Variants in EYS observed in about 807,000 individuals in gnomAD.
EYS encodes the protein protein eyes shut homolog.
A neutral mutation model predicts 282.1 loss-of-function variants in EYS; 250 were observed. The observed-to-expected ratio is 0.89, with a 90% CI of 0.80 to 0.98. The LOEUF (loss-of-function observed/expected upper bound fraction) is 0.98, where lower values mean the gene tolerates loss of function less well. EYS is among the 50% of genes least tolerant of loss of function. The probability of loss-of-function intolerance (pLI) is 0.00; values close to 1 mark genes in which losing one functional copy is unlikely to be tolerated. For missense variants in EYS, 4,016 were observed against 3,709.0 expected, an observed-to-expected ratio of 1.08 and a Z score of -2.15; for synonymous variants, 1,355 against 1,282.9, an observed-to-expected ratio of 1.06 and a Z score of -1.20.
At chr6:65,595,064 T>C (rs1019992071) in intron 2 of EYS, among the ~76,000 whole-genome samples, 1 of 152,040 alleles carries the variant, frequency 6.6e-6, no homozygotes, top group Non-Finnish European at 1.5e-5. Context: ...TTGGTTAGTG[T>C]AGCCTTGTAG....
At chr6:64,068,813 C>T (rs1272359709) in intron 32 of EYS, among the ~76,000 whole-genome samples, 1 of 152,054 alleles carries the variant, frequency 6.6e-6, no homozygotes, top group East Asian at 1.9e-4. Flanking sequence ...TTATGACACT[C>T]AAAGACACCC....
intron 12 of EYS, among the ~76,000 whole-genome samples, chr6:65,241,148 A>G (rs1000712374): frequency 1.3e-5 from 2 of 152,178 alleles, no homozygotes; most frequent in African/African-American, 2.4e-5. Flanking sequence ...GATCTTATAT[A>G]TAGTTATTTT....
chr6:64,979,509 A>C (rs1770583700), intron 14 of EYS, among the ~76,000 whole-genome samples: 1 of 151,612 alleles, frequency 6.6e-6, no homozygotes, highest in Non-Finnish European at 1.5e-5. Flanking sequence ...TGGGAATTAC[A>C]CTTTGCACTA....
chr6:64,028,344 C>G (rs1485402973), intron 33 of EYS, among the ~76,000 whole-genome samples: 1 of 152,194 alleles, frequency 6.6e-6, no homozygotes, highest in East Asian at 1.9e-4. Context: ...TATTGTTAAA[C>G]ATTTGAAAGC....
intron 12 of EYS, among the ~76,000 whole-genome samples, chr6:65,179,486 T>C (rs900747720): frequency 3.1e-4 from 47 of 152,182 alleles, no homozygotes; most frequent in Admixed American, 8.5e-4. Context: ...CCTCGACACA[T>C]ACATCCTCTC....
chr6:63,885,139 A>G (rs1773231396), intron 35 of EYS, among the ~76,000 whole-genome samples: 1 of 152,186 alleles, frequency 6.6e-6, no homozygotes, highest in Non-Finnish European at 1.5e-5. Context: ...ATAAATGGCA[A>G]TTAAGCTTTT....
intron 35 of EYS, among the ~76,000 whole-genome samples, chr6:63,913,134 A>G (rs1764320221): frequency 6.6e-6 from 1 of 152,148 alleles, no homozygotes; most frequent in Non-Finnish European, 1.5e-5. Flanking sequence ...ATTTTTTCAT[A>G]TCCCCTAAAG....
chr6:65,301,712 C>A (rs1202294742), intron 11 of EYS, among the ~76,000 whole-genome samples: 1 of 152,254 alleles, frequency 6.6e-6, no homozygotes, highest in Non-Finnish European at 1.5e-5. Flanking sequence ...GCGTGGGAGT[C>A]AAGAGCAACA....
At chr6:64,094,343 CT>C (rs1476107963) in intron 31 of EYS, among the ~76,000 whole-genome samples, 1 of 152,038 alleles carries the variant, frequency 6.6e-6, no homozygotes, top group African/African-American at 2.4e-5. Context: ...CCAGCTCCTC[CT>C]TGTACCTCTG....
At chr6:64,764,493 G>A (rs1773260402) in intron 22 of EYS, among the ~76,000 whole-genome samples, 1 of 152,208 alleles carries the variant, frequency 6.6e-6, no homozygotes, top group South Asian at 2.1e-4. Flanking sequence ...CCTGGGCCCA[G>A]CCCACAAAAC....
chr6:63,867,732 T>G (rs1772702829), intron 35 of EYS, among the ~76,000 whole-genome samples: 1 of 152,204 alleles, frequency 6.6e-6, no homozygotes, highest in Non-Finnish European at 1.5e-5. Flanking sequence ...AGCTGGTCTG[T>G]GAACTGGCAC....
chr6:64,886,819 T>C lies in EYS; in HGVS notation c.2870A>G (p.Glu957Gly). 1 of 1,537,854 alleles carries C rather than the reference T, an allele frequency of 6.5e-7. No individual in the cohort carries two copies. Among genetic ancestry groups the C allele is most frequent in the Non-Finnish European group, 8.8e-7 (1 of 1,140,778 alleles). ...TNRFFCNCEP[E>G]YHGPFCELDV... ...AAGTTCACAGAAGGGCCCATGGTAC[T>C]CAGGTTCACAATTACAAAAAAATCT... is the stretch of plus-strand genomic sequence containing the variant. The change falls in exon 19 of 43, where the codon GAG becomes GGG. Residue 957 changes from glutamate to glycine, a missense_variant. Transcript: ENST00000503581.
intron 33 of EYS, among the ~76,000 whole-genome samples, chr6:64,056,381 T>C (rs541609405): frequency 2.8e-4 from 43 of 152,338 alleles, no homozygotes; most frequent in Middle Eastern, 6.8e-3. Context: ...AAGTATCAGA[T>C]TCGCCTGTTG....
At chr6:64,098,666 T>C (rs1318033524) in intron 31 of EYS, among the ~76,000 whole-genome samples, 1 of 151,282 alleles carries the variant, frequency 6.6e-6, no homozygotes, top group Non-Finnish European at 1.5e-5. Flanking sequence ...GGTGGTGCCA[T>C]CTCGGCTCAC....
intron 2 of EYS, among the ~76,000 whole-genome samples, chr6:65,542,128 CT>C (rs1562249457): frequency 6.6e-6 from 1 of 152,176 alleles, no homozygotes; most frequent in Non-Finnish European, 1.5e-5. Context: ...ATAGATTTGA[CT>C]TTTTAGCAGT....
chr6:63,740,065 C>T (rs1485230741), intron 41 of EYS, among the ~76,000 whole-genome samples: 2 of 152,058 alleles, frequency 1.3e-5, no homozygotes, highest in Admixed American at 6.6e-5. Context: ...TTTGGAACCA[C>T]AAAAATTCCA....
chr6:65,268,116 ATAAT>A lies in EYS; in HGVS notation c.2023+27743_2023+27746del, dbSNP rs138903688. ...CTGTTATGCTGTGGATATGCAATGA[ATAAT>A]TAATCAGTTACACTTGAAACAATAC... On this transcript the variant is annotated intron_variant, in intron 12 of 42. Coordinates refer to ENST00000503581, the MANE Select transcript of EYS (RefSeq NM_001142800.2). 9.0e-3 allele frequency among the ~76,000 whole-genome samples: 1,370 copies of A among 152,182 alleles called. 23 individuals are homozygous for A. The highest frequency in any genetic ancestry group is 0.032 in the African/African-American group (1,312 of 41,550).
intron 29 of EYS, among the ~76,000 whole-genome samples, chr6:64,331,207 C>T (rs1035675747): frequency 6.6e-6 from 1 of 152,012 alleles, no homozygotes; most frequent in Non-Finnish European, 1.5e-5. Flanking sequence ...TATGTTTTTG[C>T]CATTTGCATG....
chr6:65,476,413 A>G lies in EYS; in HGVS notation c.862+14181T>C, dbSNP rs182820350. Among the ~76,000 whole-genome samples the G allele has an allele frequency of 9.2e-3, 1,395 of 152,316 alleles. 18 individuals are homozygous for G. The highest frequency in any genetic ancestry group is 0.031 in the African/African-American group (1,300 of 41,570). On this transcript the variant is annotated intron_variant, in intron 5 of 42. Coordinates refer to ENST00000503581, the MANE Select transcript of EYS (RefSeq NM_001142800.2). ...ATTGTTCATTAAGATATTTATATGTACATCTTAATTTAATTCACTTATCTC... is the reference window on the plus strand; with the variant it reads ...ATTGTTCATTAAGATATTTATATGTGCATCTTAATTTAATTCACTTATCTC...
Sources: allele counts gnomAD v4.1 joint callset (sites outside exome capture counted in the v4.1 genomes callset), GRCh38; gene constraint gnomAD v4.1.1; transcripts MANE v1.5; gene names NCBI Gene and HGNC (gene_info 2026-07-23, HGNC 2026-07-21).